Variants in CHEK1 observed in about 807,000 individuals in gnomAD.
CHEK1 encodes serine/threonine-protein kinase Chk1.
CHEK1 carries 32 observed loss-of-function variants against 60.2 expected under a neutral mutation model. That is an observed-to-expected ratio of 0.53 (90% confidence interval 0.40 to 0.71). The LOEUF is 0.71. Ranked by LOEUF, CHEK1 falls within the 30% of genes least tolerant of loss-of-function variation. CHEK1 has a pLI of 0.00. For missense variants in CHEK1, 399 were observed against 564.6 expected (o/e 0.71, Z 2.97); for synonymous variants, 179 against 187.2 (o/e 0.96, Z 0.36).
In CHEK1 at chr11:125,629,478, T is replaced by C; in HGVS notation, c.424+18T>C. The C allele has an allele frequency of 6.5e-7, 1 of 1,536,858 alleles. No homozygotes were observed. The highest frequency in any genetic ancestry group is 9.0e-7 in the Non-Finnish European group (1 of 1,114,818). On this transcript the variant is annotated intron_variant, in intron 5 of 12. Transcript: ENST00000438015. ...TGAAAGGGGTAAGTTTAGCATTTTATCACTACCTAAAATAAAATAAAATAA... is the reference window on the plus strand; with the variant it reads ...TGAAAGGGGTAAGTTTAGCATTTTACCACTACCTAAAATAAAATAAAATAA...
At position 125,676,011 on chromosome 11, in the gene CHEK1, G is replaced by A. The variant is rs192805943; in HGVS notation, c.*111G>A. ...CAACCTCCGTCTCCTGGGTTCAAGC[G>A]ATTCTCCTGCCTCAGCCTTCCAAGT... is the stretch of plus-strand genomic sequence containing the variant. On this transcript the variant is annotated 3_prime_UTR_variant, in exon 14 of 14. Coordinates refer to the CHEK1 transcript ENST00000428830. 94 of 189,568 alleles carry A rather than the reference G, an allele frequency of 5.0e-4. No homozygotes were observed. The South Asian group carries it at 8.7e-3, about 18-fold the overall frequency. 11.7% of individuals were successfully genotyped at this position (189,568 alleles called of 1,614,324 possible).
At chr11:125,677,836 C>T (rs1331576080), downstream of CHEK1, 3 of 1,614,162 alleles carry the variant, frequency 1.9e-6, no homozygotes, top group East Asian at 4.5e-5. Flanking sequence ...GAAGCCTGTT[C>T]CCCTGAAGCG....
chr11:125,636,888 T>C (rs1226462769), intron 7 of CHEK1, among the ~76,000 whole-genome samples: 1 of 152,186 alleles, frequency 6.6e-6, no homozygotes, highest in Non-Finnish European at 1.5e-5. Flanking sequence ...ACCTCTACTA[T>C]TTAAAAGTTC....
At chr11:125,645,346 T>C (rs184098870) in intron 11 of CHEK1, among the ~76,000 whole-genome samples, 1 of 152,328 alleles carries the variant, frequency 6.6e-6, no homozygotes, top group East Asian at 1.9e-4. Flanking sequence ...CCGTCAATTT[T>C]TATTGTTTAT....
chr11:125,680,609 T>C (rs1036962907), downstream of CHEK1: 1 of 879,510 alleles, frequency 1.1e-6, no homozygotes, highest in African/African-American at 1.7e-5. Flanking sequence ...GTTTAGCTGC[T>C]CTTGATTCTG....
chr11:125,672,607 A>C, intron 13 of CHEK1: 1 of 1,614,078 alleles, frequency 6.2e-7, no homozygotes. Context: ...ATCTTATTGC[A>C]GAAAGATTGA....
At chr11:125,639,120 C>T (rs1241090871) in intron 8 of CHEK1, among the ~76,000 whole-genome samples, 1 of 151,980 alleles carries the variant, frequency 6.6e-6, no homozygotes, top group African/African-American at 2.4e-5. Context: ...CTTCAATTTC[C>T]TTGTCCCCTT....
chr11:125,626,493 A>C (rs894474621), intron 1 of CHEK1: 24 of 513,314 alleles, frequency 4.7e-5, no homozygotes, highest in African/African-American at 4.2e-4. Context: ...AACAACAATT[A>C]ATTTCCTCTG....
chr11:125,653,699 T>A lies in CHEK1; in HGVS notation c.1234-47T>A. 1 of 907,608 alleles carries A rather than the reference T, an allele frequency of 1.1e-6. No homozygotes were observed. 56.2% of individuals were successfully genotyped at this position (907,608 alleles called of 1,614,324 possible). The stretch of plus-strand genomic sequence containing the variant: ...GTTCTTCATAGTGGGTTTACTAGTT[T>A]ATTATCTACTCACCCATGTGGCTTA... On this transcript the variant is annotated intron_variant, in intron 11 of 12. Transcript: ENST00000438015. The surrounding 1 kb of genome is among the most constrained non-coding windows in gnomAD (Gnocchi z 4.3).
chr11:125,641,233 C>T (rs1439464350), intron 8 of CHEK1, among the ~76,000 whole-genome samples: 1 of 152,090 alleles, frequency 6.6e-6, no homozygotes, highest in Non-Finnish European at 1.5e-5. Flanking sequence ...GTTGATCATG[C>T]CCTCCTCCTT....
In CHEK1 at chr11:125,627,672, G is replaced by C. The variant is rs537858020; in HGVS notation, c.131G>C (p.Arg44Pro). 6.2e-7 allele frequency: 1 copy of C among 1,613,866 alleles called. No homozygotes were observed. The highest frequency in any genetic ancestry group is 1.1e-5 in the South Asian group (1 of 91,056). ...AVAVKIVDMK[R>P]AVDCPENIKK... ...GCAGTGAAGATTGTAGATATGAAGC[G>C]TGCCGTAGACTGTCCAGAAAATATT... Residue 44 changes from arginine (R) to proline (P), a missense_variant, in exon 3 of 13, where the codon CGT becomes CCT. Arg to Pro is a moderately radical substitution (Grantham distance 103). Transcript: ENST00000438015.
chr11:125,666,715 G>A (rs996139823), intron 13 of CHEK1, among the ~76,000 whole-genome samples: 10 of 151,764 alleles, frequency 6.6e-5, no homozygotes, highest in African/African-American at 1.9e-4. Context: ...TATTTCTCTC[G>A]CTATATTGAC....
At chr11:125,670,308 C>T (rs1057147997) in intron 13 of CHEK1, among the ~76,000 whole-genome samples, 2 of 152,056 alleles carry the variant, frequency 1.3e-5, no homozygotes, top group Non-Finnish European at 2.9e-5. Context: ...CACTTTGTTC[C>T]AGTATCTGTG....
rs1188305958 is a variant in CHEK1, at chr11:125,626,027, C to A, written c.-21+15C>A. The A allele has an allele frequency of 1.4e-6, 1 of 695,654 alleles. No individual in the cohort carries two copies. The highest frequency in any genetic ancestry group is 2.0e-5 in the Admixed American group (1 of 49,872). The allele number at this position is 695,654 out of a possible 1,614,324, so 43.1% of individuals were successfully genotyped here. On this transcript the variant is annotated intron_variant, in intron 1 of 12. Transcript: ENST00000438015. The stretch of plus-strand genomic sequence containing the variant: ...AGGACAGTCCGGTGAGGAAGGGCGG[C>A]CGGTAGAGTAGGGAAGGTTTCTAAA...
chr11:125,673,214 T>TTTC (rs1352815069), intron 13 of CHEK1, among the ~76,000 whole-genome samples: 9 of 149,290 alleles, frequency 6.0e-5, no homozygotes, highest in African/African-American at 2.0e-4. Context: ...TTTCTTTTCT[T>TTTC]TTTTTTTTTT....
chr11:125,629,953 G>A (rs999835117), intron 5 of CHEK1, among the ~76,000 whole-genome samples: 1 of 151,800 alleles, frequency 6.6e-6, no homozygotes, highest in Non-Finnish European at 1.5e-5. Flanking sequence ...TGAACTCCTG[G>A]ACTCAAGCAG....
At chr11:125,669,795 A>G (rs1307175391) in intron 13 of CHEK1, among the ~76,000 whole-genome samples, 1 of 152,048 alleles carries the variant, frequency 6.6e-6, no homozygotes, top group African/African-American at 2.4e-5. Context: ...AAGTGCTGGG[A>G]TTACAGGCAT....
chr11:125,627,952 C>T (rs111246837), intron 3 of CHEK1, 122 bp downstream of exon 3: 1 of 720,408 alleles, frequency 1.4e-6, no homozygotes, highest in Non-Finnish European at 2.1e-6. Context: ...AATTGGAATA[C>T]ATTATCTTTA....
intron 5 of CHEK1, among the ~76,000 whole-genome samples, chr11:125,632,760 A>G (rs1940915479): frequency 6.6e-6 from 1 of 152,050 alleles, no homozygotes; most frequent in Non-Finnish European, 1.5e-5. Flanking sequence ...TTTGCTGCTG[A>G]GAAAGTTGTG....
Sources: gnomAD v4.1 joint callset for allele counts (sites outside exome capture counted in the v4.1 genomes callset) on GRCh38, gnomAD v4.1.1 for gene constraint, Gnocchi (gnomAD v3.1) non-coding constraint, MANE v1.5 for transcripts, NCBI Gene and HGNC (gene_info 2026-07-23, HGNC 2026-07-21) for gene names.